Variants in SMARCA2 observed in about 807,000 individuals in gnomAD.
SMARCA2 encodes the protein SWI/SNF related BAF chromatin remodeling complex subunit ATPase 2, also known as SWI/SNF-related matrix-associated actin-dependent regulator of chromatin subfamily A member 2.
Under a neutral mutation model 199.8 loss-of-function variants are expected in SMARCA2, and 61 were observed. The ratio of observed to expected loss-of-function variants is 0.31; its 90% confidence interval spans 0.25 to 0.38. SMARCA2 has a LOEUF of 0.38. Among genes scored for constraint, SMARCA2 ranks in the 10% least tolerant of loss-of-function variants. The pLI is 1.00. For missense variants in SMARCA2, 1,344 were observed against 2,012.2 expected, an observed-to-expected ratio of 0.67 and a Z score of 6.35; for synonymous variants, 935 against 732.0, an observed-to-expected ratio of 1.28 and a Z score of -4.48.
chr9:2,099,003 G>A (rs1470471910), intron 21 of SMARCA2, among the ~76,000 whole-genome samples: 2 of 151,834 alleles, frequency 1.3e-5, no homozygotes, highest in Admixed American at 1.3e-4. Flanking sequence ...GGATTGCAAT[G>A]GCCAAAAATG....
intron 3 of SMARCA2, among the ~76,000 whole-genome samples, chr9:2,034,561 A>G (rs143780412): frequency 1.1e-3 from 169 of 152,328 alleles, no homozygotes; most frequent in African/African-American, 3.5e-3. Context: ...AGTTATTCCA[A>G]TTCAAGGTTT....
intron 14 of SMARCA2, among the ~76,000 whole-genome samples, chr9:2,080,675 G>C (rs10964671): frequency 1.4e-3 from 220 of 152,246 alleles, no homozygotes; most frequent in Non-Finnish European, 9.1e-4. Context: ...TAGTTCTGCA[G>C]AAACCTTTAG....
At chr9:2,089,210 TTAGTCTGCAGTAC>T (rs1442691258) in intron 19 of SMARCA2, among the ~76,000 whole-genome samples, 1 of 152,202 alleles carries the variant, frequency 6.6e-6, no homozygotes, top group Non-Finnish European at 1.5e-5. Flanking sequence ...TTTTGGAAAC[TTAGTCTGCAGTAC>T]TTTAGAACAC....
rs148309147 is a variant in SMARCA2, at chr9:2,144,849, T to TG, written c.3982-16836dup. On this transcript the variant is annotated intron_variant, in intron 27 of 33. Transcript: ENST00000349721. ...GCTGATCACAACTCATCTCACCTGT[T>TG]GCTGCTGAGGACATCCAGACTTAGT... Among the ~76,000 whole-genome samples, 203 of 152,210 alleles carry TG rather than the reference T, an allele frequency of 1.3e-3. 1 individual carries two copies. The highest frequency in any genetic ancestry group is 2.0e-3 in the Non-Finnish European group (139 of 67,994).
chr9:2,045,561 G>A (rs371319790), intron 4 of SMARCA2: 6 of 151,794 alleles, frequency 4.0e-5, no homozygotes, highest in African/African-American at 7.3e-5. Flanking sequence ...TAAATGTATC[G>A]TATTATAAAA....
chr9:2,030,025 T>A (rs1035755534), intron 2 of SMARCA2, among the ~76,000 whole-genome samples: 3 of 152,096 alleles, frequency 2.0e-5, no homozygotes, highest in Admixed American at 6.5e-5. Flanking sequence ...CCAAGAAAAA[T>A]CTATGAGGAC....
At position 2,170,563 on chromosome 9, in the gene SMARCA2, C is replaced by G. The variant is rs1337366795; in HGVS notation, c.4253+91C>G. On this transcript the variant is annotated intron_variant, in intron 29 of 33. Coordinates refer to ENST00000349721, the MANE Select transcript of SMARCA2 (RefSeq NM_003070.5). The surrounding 1 kb of genome is among the most constrained non-coding windows in gnomAD (Gnocchi z 4.7). ...GAATCATATAATCGGCCTTTGGAAGCAAATTTCTTCGGTCACCTCCTGATC... is the reference window on the plus strand; with the variant it reads ...GAATCATATAATCGGCCTTTGGAAGGAAATTTCTTCGGTCACCTCCTGATC... 1 of 1,599,978 alleles carries G rather than the reference C, an allele frequency of 6.3e-7. No homozygotes were observed. The highest frequency in any genetic ancestry group is 8.5e-7 in the Non-Finnish European group (1 of 1,171,380).
At chr9:2,022,208 A>T (rs1007529202) in intron 1 of SMARCA2, 1 of 152,354 alleles carries the variant, frequency 6.6e-6, no homozygotes, top group Non-Finnish European at 1.5e-5. Flanking sequence ...AATATTTTAG[A>T]TTAATCTGGC....
intron 2 of SMARCA2, among the ~76,000 whole-genome samples, chr9:2,031,243 G>C (rs1214165220): frequency 6.6e-6 from 1 of 152,050 alleles, no homozygotes; most frequent in East Asian, 1.9e-4. Flanking sequence ...ACATTTGTTA[G>C]CTTGTCAGAG....
At chr9:2,107,831 C>A (rs1319008423) in intron 23 of SMARCA2, among the ~76,000 whole-genome samples, 2 of 152,088 alleles carry the variant, frequency 1.3e-5, no homozygotes. Flanking sequence ...GTTCTGCCCA[C>A]GTGCAGTAAA....
chr9:2,100,186 C>G (rs1173129643), intron 21 of SMARCA2, among the ~76,000 whole-genome samples: 1 of 152,090 alleles, frequency 6.6e-6, no homozygotes, highest in African/African-American at 2.4e-5. Context: ...GTTGCCATTC[C>G]CATAAAGTCA....
chr9:2,084,249 G>A, intron 17 of SMARCA2, 53 bp downstream of exon 17: 1 of 914,180 alleles, frequency 1.1e-6, no homozygotes, highest in Non-Finnish European at 1.7e-6. Context: ...GCACTGGAAT[G>A]TGAAGTATTG....
At chr9:2,095,403 TA>T (rs796275392) in intron 19 of SMARCA2, among the ~76,000 whole-genome samples, 29 of 147,274 alleles carry the variant, frequency 2.0e-4, no homozygotes, top group African/African-American at 3.0e-4. Context: ...AAAATTTTCA[TA>T]AAAAAAAAAG....
At chr9:2,139,960 A>G (rs973542081) in intron 27 of SMARCA2, among the ~76,000 whole-genome samples, 4 of 152,342 alleles carry the variant, frequency 2.6e-5, no homozygotes, top group Admixed American at 2.6e-4. Context: ...AATTTCTCCC[A>G]AAGTTAGCTT....
rs554599118 is a variant in SMARCA2, at chr9:2,027,196, G to A, written c.-36-1791G>A. The stretch of plus-strand genomic sequence containing the variant: ...GTGGCTCACACCTGTAATCCCAGCG[G>A]TTTGGGAGGCTGAGGTGGGACGATC... On this transcript the variant is annotated intron_variant, in intron 1 of 33. Coordinates refer to ENST00000349721, the MANE Select transcript of SMARCA2 (RefSeq NM_003070.5). 5.9e-5 allele frequency among the ~76,000 whole-genome samples: 9 copies of A among 152,282 alleles called. No homozygotes were observed. The South Asian group carries it at 1.9e-3, about 32-fold the overall frequency.
chr9:2,097,485 G>T lies in SMARCA2; in HGVS notation c.3078+14G>T. 1 of 1,536,280 alleles carries T rather than the reference G, an allele frequency of 6.5e-7. No individual in the cohort carries two copies. The highest frequency in any genetic ancestry group is 9.0e-7 in the Non-Finnish European group (1 of 1,112,316). On this transcript the variant is annotated intron_variant, in intron 21 of 33. Transcript: ENST00000349721. ...CAGCACATTGAGGTAAGTCTGTATT[G>T]TGTGTTTTGAGCCTGATTGTGCTAA...
intron 26 of SMARCA2, among the ~76,000 whole-genome samples, chr9:2,122,573 C>G (rs1823511372): frequency 6.6e-6 from 1 of 152,194 alleles, no homozygotes; most frequent in South Asian, 2.1e-4. Context: ...CTACCAGATT[C>G]TGGAAATGTA....
intron 15 of SMARCA2, 52 bp from the exon 16 acceptor site, chr9:2,083,295 T>C (rs1260260494): frequency 3.2e-6 from 4 of 1,241,110 alleles, no homozygotes; most frequent in Non-Finnish European, 4.6e-6. Flanking sequence ...TTTTAACCAT[T>C]GATTTTTATA....
intron 27 of SMARCA2, chr9:2,160,790 T>G (rs533630746): frequency 2.4e-6 from 1 of 417,170 alleles, no homozygotes; most frequent in African/African-American, 2.0e-5. Context: ...AAAATTTCTT[T>G]TCTATGTTCA....
Sources: allele counts gnomAD v4.1 joint callset (sites outside exome capture counted in the v4.1 genomes callset), GRCh38; gene constraint gnomAD v4.1.1; non-coding constraint Gnocchi (gnomAD v3.1); transcripts MANE v1.5; gene names NCBI Gene and HGNC (gene_info 2026-07-23, HGNC 2026-07-21).